Variants in RBFOX3 observed in about 807,000 individuals in gnomAD.
RBFOX3 encodes the protein RNA binding protein fox-1 homolog 3.
RBFOX3 carries 17 observed loss-of-function variants against 48.7 expected under a neutral mutation model. The ratio of observed to expected loss-of-function variants is 0.35; its 90% CI spans 0.24 to 0.52. RBFOX3 has a LOEUF of 0.52. Ranked by LOEUF, RBFOX3 falls within the 20% of genes least tolerant of loss-of-function variation. The pLI is 0.94. For missense variants in RBFOX3, 382 were observed against 497.5 expected, an observed-to-expected ratio of 0.77 and a Z score of 2.21; for synonymous variants, 212 against 209.5, an observed-to-expected ratio of 1.01 and a Z score of -0.10.
intron 1 of RBFOX3, among the ~76,000 whole-genome samples, chr17:79,595,469 G>T (rs1026905562): frequency 2.6e-4 from 40 of 152,354 alleles, no homozygotes; most frequent in African/African-American, 9.4e-4. Context: ...TGACGGTTCT[G>T]CCGTCTTTCT....
At chr17:79,142,400 T>C (rs182045776) in intron 4 of RBFOX3, among the ~76,000 whole-genome samples, 7 of 152,298 alleles carry the variant, frequency 4.6e-5, no homozygotes, top group African/African-American at 1.4e-4. Flanking sequence ...ATTGAATGTA[T>C]TCTTCAAACA....
At chr17:79,468,638 G>A (rs2149351535) in intron 2 of RBFOX3, among the ~76,000 whole-genome samples, 1 of 151,934 alleles carries the variant, frequency 6.6e-6, no homozygotes, top group East Asian at 1.9e-4. Flanking sequence ...CAGATAGACA[G>A]AAGGATGGAT....
At chr17:79,371,386 C>T (rs1311196363) in intron 2 of RBFOX3, among the ~76,000 whole-genome samples, 1 of 152,206 alleles carries the variant, frequency 6.6e-6, no homozygotes, top group Non-Finnish European at 1.5e-5. Flanking sequence ...TTCCGTCTTC[C>T]TCAGCTGAGT....
At chr17:79,341,724 C>CT (rs149157394) in intron 2 of RBFOX3, among the ~76,000 whole-genome samples, 19,974 of 152,108 alleles carry the variant, frequency 0.13, 1,840 homozygotes, top group Non-Finnish European at 0.2. Context: ...CCCTTGCTCC[C>CT]TTTCTGAGTT....
chr17:79,343,208 T>C (rs2082369724), intron 2 of RBFOX3, among the ~76,000 whole-genome samples: 1 of 152,108 alleles, frequency 6.6e-6, no homozygotes, highest in Non-Finnish European at 1.5e-5. Flanking sequence ...TACTAATAGC[T>C]CATAAGCTCA....
intron 2 of RBFOX3, among the ~76,000 whole-genome samples, chr17:79,388,056 G>T (rs1332007037): frequency 1.9e-5 from 2 of 103,846 alleles, no homozygotes; most frequent in South Asian, 7.4e-4. Context: ...GTACATGTGT[G>T]CACTGTGCAG....
At chr17:79,626,930 G>A in the RBFOX3 span, among the ~76,000 whole-genome samples, 1 of 152,222 alleles carries the variant, frequency 6.6e-6, no homozygotes, top group African/African-American at 2.4e-5. Context: ...GTCATGCTCA[G>A]CCTCATGTAT....
intron 1 of RBFOX3, among the ~76,000 whole-genome samples, chr17:79,594,172 C>G (rs1395174815): frequency 6.6e-6 from 1 of 152,102 alleles, no homozygotes; most frequent in Non-Finnish European, 1.5e-5. Context: ...ACCTTCTCCA[C>G]TGGAAGTAGA....
At chr17:79,593,632 G>T (rs981734313) in intron 1 of RBFOX3, among the ~76,000 whole-genome samples, 1 of 152,198 alleles carries the variant, frequency 6.6e-6, no homozygotes, top group Non-Finnish European at 1.5e-5. Flanking sequence ...GACCGGAGTG[G>T]CCTCTGCTCA....
At position 79,480,649 on chromosome 17, in the gene RBFOX3, G is replaced by C. The variant is rs1489335350; in HGVS notation, c.-175+1805C>G. Among the ~76,000 whole-genome samples, 1 of 152,082 alleles carries C rather than the reference G, an allele frequency of 6.6e-6. No individual in the cohort carries two copies. The highest frequency in any genetic ancestry group is 1.9e-4 in the East Asian group (1 of 5,192). On this transcript the variant is annotated intron_variant, in intron 2 of 14. Transcript: ENST00000693108. The surrounding 1 kb of genome is among the most constrained non-coding windows in gnomAD (Gnocchi z 4.8). The stretch of plus-strand genomic sequence containing the variant: ...TTCTCCAGCATGCCCACACGTTGCT[G>C]CCTCGGCGCCTTGGCACTGGCCATT...
intron 2 of RBFOX3, among the ~76,000 whole-genome samples, chr17:79,458,065 G>A (rs930731922): frequency 5.3e-5 from 8 of 151,332 alleles, no homozygotes; most frequent in African/African-American, 1.2e-4. Flanking sequence ...TTTGCAGGGC[G>A]GGGGACCCGG....
intron 2 of RBFOX3, among the ~76,000 whole-genome samples, chr17:79,396,910 G>A (rs557316865): frequency 6.6e-6 from 1 of 152,360 alleles, no homozygotes; most frequent in African/African-American, 2.4e-5. Flanking sequence ...GCCAGGGTGG[G>A]ACCTGTCATC....
intron 4 of RBFOX3, among the ~76,000 whole-genome samples, chr17:79,143,158 G>A (rs924941413): frequency 2.0e-5 from 3 of 152,176 alleles, no homozygotes; most frequent in African/African-American, 4.8e-5. Flanking sequence ...AAGAAGGGGG[G>A]TCCCTGTGTC....
chr17:79,408,141 C>A (rs1303887056), intron 2 of RBFOX3, among the ~76,000 whole-genome samples: 1 of 152,162 alleles, frequency 6.6e-6, no homozygotes, highest in Non-Finnish European at 1.5e-5. Context: ...GGAGAAGGAG[C>A]ACTCGCCTCC....
intron 2 of RBFOX3, among the ~76,000 whole-genome samples, chr17:79,453,307 T>C (rs1031376767): frequency 9.2e-5 from 14 of 152,128 alleles, no homozygotes; most frequent in African/African-American, 3.4e-4. Flanking sequence ...TGGCTTCATC[T>C]CATTTTTGAA....
chr17:79,641,209 TTATTAACTA>T, the RBFOX3 span, among the ~76,000 whole-genome samples: 1 of 152,226 alleles, frequency 6.6e-6, no homozygotes, highest in South Asian at 2.1e-4. Context: ...AAGGTGGTCA[TTATTAACTA>T]TCAGAGAAAT....
chr17:79,407,761 G>C (rs2063741862), intron 2 of RBFOX3, among the ~76,000 whole-genome samples: 1 of 152,192 alleles, frequency 6.6e-6, no homozygotes, highest in African/African-American at 2.4e-5. Flanking sequence ...CTTGGGGGAA[G>C]GTGGGAGTAA....
At chr17:79,561,178 T>G (rs1288816244) in intron 1 of RBFOX3, among the ~76,000 whole-genome samples, 1 of 152,208 alleles carries the variant, frequency 6.6e-6, no homozygotes, top group Non-Finnish European at 1.5e-5. Context: ...AGGTGACTGC[T>G]TTGCAAAGGG....
intron 4 of RBFOX3, among the ~76,000 whole-genome samples, chr17:79,207,976 G>GAGCCTCGGCA (rs1346581137): frequency 1.3e-5 from 2 of 152,280 alleles, no homozygotes; most frequent in East Asian, 1.9e-4. Context: ...GGGACCGCGG[G>GAGCCTCGGCA]AGCCTCGGCA....
Sources: allele counts gnomAD v4.1 joint callset (sites outside exome capture counted in the v4.1 genomes callset), GRCh38; gene constraint gnomAD v4.1.1; non-coding constraint Gnocchi (gnomAD v3.1); transcripts MANE v1.5; gene names NCBI Gene and HGNC (gene_info 2026-07-23, HGNC 2026-07-21).